ATP1A1: variants seen among roughly 807,000 people sequenced by gnomAD.
ATP1A1 encodes ATPase Na+/K+ transporting subunit alpha 1, also known as sodium/potassium-transporting ATPase subunit alpha-1.
ATP1A1 carries 14 observed loss-of-function variants against 114.8 expected under a neutral mutation model. The observed-to-expected ratio is 0.12, with a 90% CI of 0.08 to 0.19. The LOEUF (loss-of-function observed/expected upper bound fraction) is 0.19, where lower values mean the gene tolerates loss of function less well. Among genes scored for constraint, ATP1A1 ranks in the 10% least tolerant of loss-of-function variants. ATP1A1 has a pLI of 1.00. For missense variants in ATP1A1, 524 were observed against 1,290.7 expected (o/e 0.41, Z 9.10); for synonymous variants, 471 against 466.3 (o/e 1.01, Z -0.13).
At chr1:116,375,284 C>T (rs759933009) in intron 1 of ATP1A1, among the ~76,000 whole-genome samples, 18 of 152,208 alleles carry the variant, frequency 1.2e-4, no homozygotes, top group Non-Finnish European at 2.2e-4. Flanking sequence ...CAGCCTGTGG[C>T]CTCAAGCCTG....
chr1:116,404,280 G>C lies in ATP1A1; in HGVS notation c.3044-136G>C. The C allele has an allele frequency of 1.9e-6, 2 of 1,048,680 alleles. No homozygotes were observed. The highest frequency in any genetic ancestry group is 2.9e-6 in the Non-Finnish European group (2 of 690,502). 65.0% of individuals were successfully genotyped at this position (1,048,680 alleles called of 1,614,324 possible). ...TAAAAACATGTAAATAAGTACAGTTGAGGTCCCATGTTTGGATTTTAACAC... is the reference window on the plus strand; with the variant it reads ...TAAAAACATGTAAATAAGTACAGTTCAGGTCCCATGTTTGGATTTTAACAC... On this transcript the variant is annotated intron_variant, in intron 22 of 22. Coordinates refer to ENST00000295598, the MANE Select transcript of ATP1A1 (RefSeq NM_000701.8). The surrounding 1 kb of genome is among the most constrained non-coding windows in gnomAD (Gnocchi z 4.8).
chr1:116,390,005 T>C, intron 8 of ATP1A1: 1 of 663,420 alleles, frequency 1.5e-6, no homozygotes, highest in Non-Finnish European at 2.5e-6. Context: ...TATGGTAGAA[T>C]CCTGTTATTA....
rs1222015351 is a variant in ATP1A1 at position 116,384,160 on chromosome 1, T to C, written c.123+36T>C. 1 of 1,559,886 alleles carries C rather than the reference T, an allele frequency of 6.4e-7. No individual in the cohort carries two copies. On this transcript the variant is annotated intron_variant, in intron 2 of 22. Transcript: ENST00000295598. The surrounding 1 kb of genome is among the most constrained non-coding windows in gnomAD (Gnocchi z 5.1). ...GGAGGAATATTGTATTCCATCCTTA[T>C]TAAAAATCCATGATTTTTAATCCCC...
chr1:116,380,102 G>A (rs1323019), intron 1 of ATP1A1, among the ~76,000 whole-genome samples: 11,362 of 152,138 alleles, frequency 0.075, 963 homozygotes, highest in African/African-American at 0.21. Flanking sequence ...ATGGTTTCTT[G>A]ACTAATCAGA....
Position 116,373,244 on chromosome 1 carries a change from GGAGCTGCGGCGGGGTCTGGGGCGCA to G in ATP1A1, c.-263_-239del, listed in dbSNP as rs1570935533. On this transcript the variant is annotated 5_prime_UTR_variant, in exon 1 of 23. Transcript: ENST00000295598. Reference sequence around the variant, plus strand: ...AGGAAGTGAGGAGGAGGCGCGGGCTGGAGCTGCGGCGGGGTCTGGGGCGCAGAGCAGCGGCGGGAGGAGGCGGACA... The same window carrying G: ...AGGAAGTGAGGAGGAGGCGCGGGCTGGAGCAGCGGCGGGAGGAGGCGGACA... The G allele has an allele frequency of 5.6e-6, 2 of 359,434 alleles. No homozygotes were observed. The highest frequency in any genetic ancestry group is 4.2e-5 in the East Asian group (1 of 23,558). The allele number at this position is 359,434 out of a possible 1,614,324, so 22.3% of individuals were successfully genotyped here.
chr1:116,399,595 A>C lies in ATP1A1; in HGVS notation c.2572+52A>C, dbSNP rs1234719234. The C allele has an allele frequency of 1.1e-5, 18 of 1,607,528 alleles. No homozygotes were observed. Among genetic ancestry groups the C allele is most frequent in the Non-Finnish European group, 1.4e-5 (17 of 1,176,464 alleles). ...TGGCACATCTAAGGCATCTGAGGTG[A>C]TGGTGTCCACCTCAGGTTGAGGTTG... On this transcript the variant is annotated intron_variant, in intron 18 of 22. Coordinates refer to ENST00000295598, the MANE Select transcript of ATP1A1 (RefSeq NM_000701.8). This position sits in a 1 kb window ranked among gnomAD's most constrained non-coding sequence, Gnocchi z 5.0.
At position 116,395,426 on chromosome 1, in the gene ATP1A1, C is replaced by A; in HGVS notation, c.1836+141C>A. On this transcript the variant is annotated intron_variant, in intron 13 of 22. Transcript: ENST00000295598. The surrounding 1 kb of genome is among the most constrained non-coding windows in gnomAD (Gnocchi z 6.4). Reference sequence around the variant, plus strand: ...ATTTCTCATCTCCAAAGCTTTACTTCCACCCAGAAAAGACCAGATAGTATT... The same window carrying A: ...ATTTCTCATCTCCAAAGCTTTACTTACACCCAGAAAAGACCAGATAGTATT... 1.0e-6 allele frequency: 1 copy of A among 957,982 alleles called. No homozygotes were observed. The highest frequency in any genetic ancestry group is 1.5e-6 in the Non-Finnish European group (1 of 688,434). The allele number at this position is 957,982 out of a possible 1,614,324, so 59.3% of individuals were successfully genotyped here. A position where few individuals can be genotyped will look rare whatever the true frequency, so the allele number is the denominator to read the frequency against.
Position 116,373,886 on chromosome 1 carries a change from G to A in ATP1A1, c.12+363G>A, listed in dbSNP as rs1651168643. Reference sequence around the variant, plus strand: ...GCTTGCAGCAGCGGGGGCGGCCCCGGGACTGAGCCGGCATCCCTGAGCCTG... The same window carrying A: ...GCTTGCAGCAGCGGGGGCGGCCCCGAGACTGAGCCGGCATCCCTGAGCCTG... On this transcript the variant is annotated intron_variant, in intron 1 of 22. Coordinates refer to ENST00000295598, the MANE Select transcript of ATP1A1 (RefSeq NM_000701.8). 15 of 1,299,952 alleles carry A rather than the reference G, an allele frequency of 1.2e-5. No homozygotes were observed. The South Asian group carries it at 3.2e-4, about 27-fold the overall frequency. 80.5% of individuals were successfully genotyped at this position (1,299,952 alleles called of 1,614,324 possible). A position where few individuals can be genotyped will look rare whatever the true frequency, so the allele number is the denominator to read the frequency against.
chr1:116,377,980 G>A (rs1651480187), intron 1 of ATP1A1, among the ~76,000 whole-genome samples: 1 of 152,222 alleles, frequency 6.6e-6, no homozygotes, highest in Non-Finnish European at 1.5e-5. Context: ...AACCTAGTCA[G>A]GTCTGAACTT....
At position 116,393,050 on chromosome 1, in the gene ATP1A1, C is replaced by T. The variant is rs1172840336; in HGVS notation, c.1467+62C>T. On this transcript the variant is annotated intron_variant, in intron 11 of 22. Transcript: ENST00000295598. The surrounding 1 kb of genome is among the most constrained non-coding windows in gnomAD (Gnocchi z 5.0). ...AGCTGGGGGACAAAGAGGGGAGGTA[C>T]ATGAGCAGGAAGAGGAAATATTCTC... The T allele has an allele frequency of 2.4e-5, 38 of 1,588,696 alleles. No individual in the cohort carries two copies. The highest frequency in any genetic ancestry group is 3.5e-5 in the Admixed American group (2 of 57,016).
Position 116,388,928 on chromosome 1 carries a change from A to G in ATP1A1, c.663A>G (p.Glu221=). 1 of 1,614,224 alleles carries G rather than the reference A, an allele frequency of 6.2e-7. No individual in the cohort carries two copies. Among genetic ancestry groups the G allele is most frequent in the African/African-American group, 1.3e-5 (1 of 75,062 alleles). Residue 221 remains glutamate, a synonymous_variant, in exon 7 of 23, where the codon GAA becomes GAG. Transcript: ENST00000295598. This position sits in a 1 kb window ranked among gnomAD's most constrained non-coding sequence, Gnocchi z 5.6. ...CKVDNSSLTG[E]SEPQTRSPDF... ...TGGATAACTCCTCGCTCACTGGTGA[A>G]TCAGAACCCCAGACTAGGTCTCCAG...
Position 116,373,533 on chromosome 1 carries a change from C to A in ATP1A1, c.12+10C>A. 1.4e-6 allele frequency: 2 copies of A among 1,448,422 alleles called. No individual in the cohort carries two copies. The highest frequency in any genetic ancestry group is 2.8e-5 in the Admixed American group (1 of 35,522). 89.7% of individuals were successfully genotyped at this position (1,448,422 alleles called of 1,614,324 possible). ...CACCATGGGGAAGGGGGTGAGTGTC[C>A]GGCGCGCCCGGGGAGGGGGCTCGGG... On this transcript the variant is annotated intron_variant, in intron 1 of 22. Transcript: ENST00000295598.
At position 116,397,945 on chromosome 1, in the gene ATP1A1, G is replaced by A. The variant is rs1156837929; in HGVS notation, c.2031G>A (p.Gln677=). The A allele has an allele frequency of 6.2e-7, 1 of 1,613,588 alleles. No homozygotes were observed. Among genetic ancestry groups the A allele is most frequent in the African/African-American group, 1.3e-5 (1 of 74,710 alleles). ...GSDLKDMTSE[Q]LDDILKYHTE... ...ATCTAAAGGACATGACCTCCGAGCA[G>A]CTGGATGACATTTTGAAGTACCACA... The change falls in exon 15 of 23, where the codon CAG becomes CAA. Residue 677 remains glutamine, a synonymous_variant. Transcript: ENST00000295598. This position sits in a 1 kb window ranked among gnomAD's most constrained non-coding sequence, Gnocchi z 4.2.
In ATP1A1 at chr1:116,388,829, T is replaced by C; in HGVS notation, c.636+57T>C. The C allele has an allele frequency of 1.2e-6, 2 of 1,612,868 alleles. No homozygotes were observed. The highest frequency in any genetic ancestry group is 2.2e-5 in the South Asian group (2 of 90,978). The stretch of plus-strand genomic sequence containing the variant: ...TAGCTCTGCTGTTCGGGCAGCTTGA[T>C]TTGAGGGGTACAGTAGCCCATGATA... On this transcript the variant is annotated intron_variant, in intron 6 of 22. Coordinates refer to ENST00000295598, the MANE Select transcript of ATP1A1 (RefSeq NM_000701.8). The surrounding 1 kb of genome is among the most constrained non-coding windows in gnomAD (Gnocchi z 5.6).
intron 10 of ATP1A1, 99 bp from the exon 11 acceptor site, chr1:116,392,755 A>C: frequency 7.0e-7 from 1 of 1,431,896 alleles, no homozygotes; most frequent in Non-Finnish European, 9.5e-7. Flanking sequence ...GCTACCTCTG[A>C]CAAGATTGGA....
intron 9 of ATP1A1, 95 bp from the exon 10 acceptor site, chr1:116,390,687 C>A: frequency 9.6e-7 from 1 of 1,038,128 alleles, no homozygotes; most frequent in Non-Finnish European, 1.5e-6. Context: ...AGATGTATCA[C>A]TGCAGATTTC....
chr1:116,398,834 G>T lies in ATP1A1; in HGVS notation c.2293+45G>T. ...TACACCAAGATCTTATTCAGATACT[G>T]CCCATTAGCATCCATTTCTGTATAC... On this transcript the variant is annotated intron_variant, in intron 16 of 22. Coordinates refer to ENST00000295598, the MANE Select transcript of ATP1A1 (RefSeq NM_000701.8). This position sits in a 1 kb window ranked among gnomAD's most constrained non-coding sequence, Gnocchi z 6.1. 1 of 1,610,116 alleles carries T rather than the reference G, an allele frequency of 6.2e-7. No individual in the cohort carries two copies. The highest frequency in any genetic ancestry group is 8.5e-7 in the Non-Finnish European group (1 of 1,176,846).
chr1:116,403,808 G>T, intron 21 of ATP1A1, 76 bp from the exon 22 acceptor site: 1 of 1,261,754 alleles, frequency 7.9e-7, no homozygotes, highest in South Asian at 1.3e-5. Context: ...CATTGTCACT[G>T]GTGATGTGCA....
chr1:116,390,071 C>T, intron 8 of ATP1A1, 142 bp from the exon 9 acceptor site: 2 of 872,812 alleles, frequency 2.3e-6, no homozygotes, highest in South Asian at 1.7e-5. Flanking sequence ...GTATGGGTTC[C>T]CCTTATTATT....
Sources: allele counts gnomAD v4.1 joint callset (sites outside exome capture counted in the v4.1 genomes callset), GRCh38; gene constraint gnomAD v4.1.1; non-coding constraint Gnocchi (gnomAD v3.1); transcripts MANE v1.5; gene names NCBI Gene and HGNC (gene_info 2026-07-23, HGNC 2026-07-21).